RTN1: variants seen among roughly 807,000 people sequenced by gnomAD.
RTN1 encodes reticulon-1.
RTN1 carries 25 observed loss-of-function variants against 65.5 expected under a neutral mutation model. The observed-to-expected ratio is 0.38, with a 90% CI of 0.28 to 0.53. The LOEUF (loss-of-function observed/expected upper bound fraction) is 0.53, where lower values mean the gene tolerates loss of function less well. Among genes scored for constraint, RTN1 ranks in the 20% least tolerant of loss-of-function variants. RTN1 has a pLI of 0.79. For missense variants in RTN1, 983 were observed against 1,025.4 expected, an observed-to-expected ratio of 0.96 and a Z score of 0.57; for synonymous variants, 471 against 447.6, an observed-to-expected ratio of 1.05 and a Z score of -0.66.
At chr14:59,738,035 TA>T (rs538159308) in intron 2 of RTN1, among the ~76,000 whole-genome samples, 360 of 152,282 alleles carry the variant, frequency 2.4e-3, no homozygotes, top group Non-Finnish European at 3.5e-3. Flanking sequence ...GACTTAAATG[TA>T]AAACCCAAAA....
chr14:59,851,267 A>G (rs1419989229), intron 1 of RTN1, among the ~76,000 whole-genome samples: 2 of 152,220 alleles, frequency 1.3e-5, no homozygotes, highest in Non-Finnish European at 2.9e-5. Flanking sequence ...GTGTTAAATA[A>G]TACACTTAAA....
At chr14:59,848,351 A>G (rs1184352824) in intron 1 of RTN1, among the ~76,000 whole-genome samples, 1 of 152,240 alleles carries the variant, frequency 6.6e-6, no homozygotes, top group Admixed American at 6.5e-5. Flanking sequence ...AGATAATTGA[A>G]TGCTATATCA....
Position 59,720,721 on chromosome 14 carries a change from C to CAA in RTN1, c.1765+6196_1765+6197dup, listed in dbSNP as rs3036118. Among the ~76,000 whole-genome samples the CAA allele has an allele frequency of 2.5e-3, 332 of 133,896 alleles. 4 individuals are homozygous for CAA. The highest frequency in any genetic ancestry group is 0.022 in the East Asian group (100 of 4,568). The allele number at this position is 133,896 out of a possible 152,430, so 87.8% of individuals were successfully genotyped here. A position where few individuals can be genotyped will look rare whatever the true frequency, so the allele number is the denominator to read the frequency against. ...TGAGTGACAGAGTAAGACCCTATCT[C>CAA]AAAAAAAAAAAAAAAAATACTCTAA... On this transcript the variant is annotated intron_variant, in intron 3 of 8. Transcript: ENST00000267484.
At chr14:59,765,138 A>G (rs1234041677) in intron 1 of RTN1, among the ~76,000 whole-genome samples, 1 of 152,054 alleles carries the variant, frequency 6.6e-6, no homozygotes, top group Non-Finnish European at 1.5e-5. Flanking sequence ...GAAAAAAAAA[A>G]CAAAGAAGGA....
At chr14:59,771,738 A>G (rs1421578542) in intron 1 of RTN1, among the ~76,000 whole-genome samples, 3 of 152,238 alleles carry the variant, frequency 2.0e-5, no homozygotes, top group Non-Finnish European at 4.4e-5. Flanking sequence ...TGAAATCCTC[A>G]CAGAAGTGCT....
intron 3 of RTN1, among the ~76,000 whole-genome samples, chr14:59,659,669 A>C (rs1174837246): frequency 1.3e-5 from 2 of 152,190 alleles, no homozygotes; most frequent in African/African-American, 2.4e-5. Flanking sequence ...GAAATAAAAT[A>C]CTTTACAGAC....
chr14:59,615,867 C>G (rs1010689673), intron 3 of RTN1, among the ~76,000 whole-genome samples: 6 of 152,100 alleles, frequency 3.9e-5, no homozygotes, highest in African/African-American at 9.7e-5. Context: ...GTTTGGAAAG[C>G]TAAGTCTCCT....
intron 1 of RTN1, among the ~76,000 whole-genome samples, chr14:59,771,094 A>T (rs1248667617): frequency 6.6e-6 from 1 of 152,098 alleles, no homozygotes; most frequent in Non-Finnish European, 1.5e-5. Flanking sequence ...TTTCTATATC[A>T]AAGTCATCCC....
chr14:59,668,252 A>G (rs960829122), intron 3 of RTN1, among the ~76,000 whole-genome samples: 22 of 152,192 alleles, frequency 1.4e-4, no homozygotes, highest in African/African-American at 5.3e-4. Flanking sequence ...GTACCAAAAC[A>G]GATTTATAGA....
intron 2 of RTN1, among the ~76,000 whole-genome samples, chr14:59,739,263 G>A (rs950487498): frequency 5.9e-5 from 9 of 152,158 alleles, no homozygotes; most frequent in Admixed American, 2.0e-4. Flanking sequence ...GCTCATGCCT[G>A]TAATACCAGC....
chr14:59,610,250 TA>T, intron 3 of RTN1: 1 of 685,530 alleles, frequency 1.5e-6, no homozygotes, highest in South Asian at 1.6e-5. Context: ...CAGAAAGCAT[TA>T]GCTAAGTAAC....
At chr14:59,815,063 A>G (rs1227289398) in intron 1 of RTN1, among the ~76,000 whole-genome samples, 3 of 152,236 alleles carry the variant, frequency 2.0e-5, no homozygotes, top group Non-Finnish European at 2.9e-5. Flanking sequence ...ATTTACTCCA[A>G]ACAGGGCATG....
At chr14:59,660,537 A>G (rs2140206469) in intron 3 of RTN1, among the ~76,000 whole-genome samples, 1 of 152,270 alleles carries the variant, frequency 6.6e-6, no homozygotes, top group Non-Finnish European at 1.5e-5. Context: ...CATAACAAAC[A>G]GTCTCTCAGA....
chr14:59,693,495 C>T (rs556038522), intron 3 of RTN1, among the ~76,000 whole-genome samples: 1 of 152,174 alleles, frequency 6.6e-6, no homozygotes, highest in South Asian at 2.1e-4. Context: ...AGTCTTTTAT[C>T]CCTCACCCCT....
At chr14:59,666,034 A>G (rs1883364916) in intron 3 of RTN1, among the ~76,000 whole-genome samples, 2 of 152,172 alleles carry the variant, frequency 1.3e-5, no homozygotes, top group African/African-American at 4.8e-5. Context: ...CAGATCAACC[A>G]GACAGAAGGT....
chr14:59,870,427 G>A lies in RTN1; in HGVS notation c.204C>T (p.Ala68=), dbSNP rs1416089994. 6.6e-6 allele frequency: 10 copies of A among 1,521,380 alleles called. No individual in the cohort carries two copies. The highest frequency in any genetic ancestry group is 8.7e-6 in the Non-Finnish European group (10 of 1,146,534). 94.2% of individuals were successfully genotyped at this position (1,521,380 alleles called of 1,614,324 possible). ...TTTCCATGGCAACGGGCGACTGCCG[G>A]GCGGGGCCCGAGCCGGCTTCCCGCG... ...AASREAGSGP[A]RQSPVAMETA... The change falls in exon 1 of 9, where the codon GCC becomes GCT. Residue 68 remains alanine (A), a synonymous_variant. Coordinates refer to ENST00000267484, the MANE Select transcript of RTN1 (RefSeq NM_021136.3). The surrounding 1 kb of genome is among the most constrained non-coding windows in gnomAD (Gnocchi z 5.1).
intron 2 of RTN1, among the ~76,000 whole-genome samples, chr14:59,742,003 G>T (rs903376694): frequency 6.6e-6 from 1 of 152,100 alleles, no homozygotes; most frequent in Non-Finnish European, 1.5e-5. Flanking sequence ...CCTCTGACTA[G>T]CAGGTAAGCT....
chr14:59,849,907 G>A lies in RTN1; in HGVS notation c.241+20483C>T, dbSNP rs1018197893. On this transcript the variant is annotated intron_variant, in intron 1 of 8. Transcript: ENST00000267484. This position sits in a 1 kb window ranked among gnomAD's most constrained non-coding sequence, Gnocchi z 4.5. ...CCTCAAAGGGCTTCCCCCTCTCTGT[G>A]TACTTCTCTGTTAACTCTCTTTCCT... Among the ~76,000 whole-genome samples, 1 of 151,930 alleles carries A rather than the reference G, an allele frequency of 6.6e-6. No individual in the cohort carries two copies. The highest frequency in any genetic ancestry group is 1.5e-5 in the Non-Finnish European group (1 of 68,008).
At chr14:59,730,318 C>A (rs1490713279) in intron 2 of RTN1, among the ~76,000 whole-genome samples, 1 of 152,052 alleles carries the variant, frequency 6.6e-6, no homozygotes, top group Non-Finnish European at 1.5e-5. Flanking sequence ...AACTGGATAA[C>A]CACAAGAAAA....
Sources: allele counts gnomAD v4.1 joint callset (sites outside exome capture counted in the v4.1 genomes callset), GRCh38; gene constraint gnomAD v4.1.1; non-coding constraint Gnocchi (gnomAD v3.1); transcripts MANE v1.5; gene names NCBI Gene and HGNC (gene_info 2026-07-23, HGNC 2026-07-21).